The following UBA6 variants were observed in gnomAD, a reference collection of about 807,000 sequenced individuals.
UBA6 encodes the protein ubiquitin-like modifier-activating enzyme 6.
UBA6 carries 87 observed loss-of-function variants against 148.3 expected under a neutral mutation model. The ratio of observed to expected loss-of-function variants is 0.59; its 90% CI spans 0.49 to 0.70. The LOEUF (loss-of-function observed/expected upper bound fraction) is 0.70, where lower values mean the gene tolerates loss of function less well. Among genes scored for constraint, UBA6 ranks in the 30% least tolerant of loss-of-function variants. UBA6 has a pLI of 0.00. For synonymous variants in UBA6, 376 were observed against 401.0 expected, an observed-to-expected ratio of 0.94 and a Z score of 0.75; for missense variants, 1,186 against 1,241.2, an observed-to-expected ratio of 0.96 and a Z score of 0.67.
rs1296297229 is a variant in UBA6, at chr4:67,649,239, A to C, written c.1105-28T>G. The C allele has an allele frequency of 6.3e-6, 10 of 1,590,908 alleles. No homozygotes were observed. In the Admixed American group the frequency reaches 7.1e-5, roughly 11 times the overall value. On this transcript the variant is annotated intron_variant, in intron 13 of 32. Coordinates refer to ENST00000322244, the MANE Select transcript of UBA6 (RefSeq NM_018227.6). ...AAAACAAAAGCCATAAAAGACAATA[A>C]CATTAACAGCATTTACACAGTACAC... is the stretch of plus-strand genomic sequence containing the variant.
At chr4:67,631,387 A>G (rs771144208) in intron 25 of UBA6, among the ~76,000 whole-genome samples, 9 of 152,160 alleles carry the variant, frequency 5.9e-5, no homozygotes, top group Admixed American at 3.9e-4. Context: ...AGATTCTTAT[A>G]TTTGATTTCA....
At chr4:67,628,862 A>G (rs1204084991) in intron 27 of UBA6, among the ~76,000 whole-genome samples, 2 of 151,932 alleles carry the variant, frequency 1.3e-5, no homozygotes, top group Non-Finnish European at 2.9e-5. Context: ...ATCTAAGTCT[A>G]TACTGATCTT....
At chr4:67,667,697 T>C (rs967677751) in intron 9 of UBA6, among the ~76,000 whole-genome samples, 1 of 152,126 alleles carries the variant, frequency 6.6e-6, no homozygotes, top group African/African-American at 2.4e-5. Flanking sequence ...AAACACAAAC[T>C]ACACAGATTA....
intron 13 of UBA6, among the ~76,000 whole-genome samples, chr4:67,660,377 A>T (rs1729818351): frequency 6.6e-6 from 1 of 152,172 alleles, no homozygotes. Flanking sequence ...GGGTGGGCCC[A>T]GGGCCTTGCT....
In UBA6 at chr4:67,631,754, G is replaced by C; in HGVS notation, c.2212C>G (p.Pro738Ala). 1 of 1,611,608 alleles carries C rather than the reference G, an allele frequency of 6.2e-7. No individual in the cohort carries two copies. The highest frequency in any genetic ancestry group is 1.1e-5 in the South Asian group (1 of 90,802). Residue 738 changes from proline to alanine, a missense_variant, in exon 25 of 33, where the codon CCA becomes GCA. Coordinates refer to ENST00000322244, the MANE Select transcript of UBA6 (RefSeq NM_018227.6). ...TTTATTGGAGAGGGTGGCCTCTTTGGTGACTGCCAAAATAAACCTGGCAAA... is the reference window on the plus strand; with the variant it reads ...TTTATTGGAGAGGGTGGCCTCTTTGCTGACTGCCAAAATAAACCTGGCAAA... ...LKDGSLFWQSPKRPPSPIKFD... is the reference protein window; with the variant it reads ...LKDGSLFWQSAKRPPSPIKFD...
rs1728590253 is a variant in UBA6 at position 67,614,506 on chromosome 4, G to A, written c.*4491C>T. On this transcript the variant is annotated 3_prime_UTR_variant, in exon 33 of 33. Transcript: ENST00000322244. ...CATGACTTTGGTGGCACTATAGAAA[G>A]GAGGAATAAAACCCAGATTTTTCAA... 6.6e-6 allele frequency: 1 copy of A among 152,116 alleles called. No homozygotes were observed. The highest frequency in any genetic ancestry group is 2.4e-5 in the African/African-American group (1 of 41,424). The allele number at this position is 152,116 out of a possible 1,614,324, so 9.4% of individuals were successfully genotyped here.
intron 25 of UBA6, among the ~76,000 whole-genome samples, chr4:67,630,783 T>C (rs879365296): frequency 2.8e-4 from 43 of 152,268 alleles, no homozygotes; most frequent in Admixed American, 1.4e-3. Flanking sequence ...TGATCATGAC[T>C]ACCTTGGGAA....
chr4:67,642,864 C>T (rs1430341456), intron 17 of UBA6, among the ~76,000 whole-genome samples: 1 of 151,848 alleles, frequency 6.6e-6, no homozygotes, highest in African/African-American at 2.4e-5. Flanking sequence ...TTCTACTAGA[C>T]CTATGTTGGA....
chr4:67,615,582 A>C lies in UBA6; in HGVS notation c.*3415T>G, dbSNP rs972175763. 6.6e-6 allele frequency: 1 copy of C among 152,214 alleles called. No individual in the cohort carries two copies. The highest frequency in any genetic ancestry group is 1.5e-5 in the Non-Finnish European group (1 of 68,040). 9.4% of individuals were successfully genotyped at this position (152,214 alleles called of 1,614,324 possible). On this transcript the variant is annotated 3_prime_UTR_variant, in exon 33 of 33. Coordinates refer to ENST00000322244, the MANE Select transcript of UBA6 (RefSeq NM_018227.6). ...ACTCTTTGTACTAGGAGTTACATAA[A>C]ATGATGTTCATTGTGAAACTGTAAT...
chr4:67,670,039 C>T (rs1004524911), intron 8 of UBA6, among the ~76,000 whole-genome samples: 6 of 152,140 alleles, frequency 3.9e-5, no homozygotes, highest in African/African-American at 1.4e-4. Context: ...ACTTCCGCCT[C>T]CCGGGTTCAA....
intron 7 of UBA6, among the ~76,000 whole-genome samples, chr4:67,673,416 G>A (rs1410830304): frequency 1.0e-3 from 134 of 133,878 alleles, no homozygotes; most frequent in African/African-American, 3.6e-3. Flanking sequence ...ACTCTGTCTC[G>A]GGAAAAAAAA....
intron 18 of UBA6, among the ~76,000 whole-genome samples, chr4:67,639,725 C>T (rs761016427): frequency 7.9e-5 from 12 of 152,126 alleles, no homozygotes; most frequent in African/African-American, 1.4e-4. Context: ...TTTTCATATA[C>T]ACACATACCT....
chr4:67,678,499 G>A lies in UBA6; in HGVS notation c.293C>T (p.Ala98Val). 1.3e-6 allele frequency: 2 copies of A among 1,596,394 alleles called. No homozygotes were observed. Among genetic ancestry groups the A allele is most frequent in the East Asian group, 2.3e-5 (1 of 44,270 alleles). The change falls in exon 5 of 33, where the codon GCA (alanine) becomes GTA (valine). Residue 98 changes from alanine to valine, a missense_variant. Ala to Val is a moderately conservative substitution (Grantham distance 64). Transcript: ENST00000322244. ...VTIHDTEKCQ[A>V]WDLGTNFFLS... Reference sequence around the variant, plus strand: ...AAAGAAGTTGGTTCCTAGATCCCATGCTTGGCATTTTTCTGTATCATGAAT... The same window carrying A: ...AAAGAAGTTGGTTCCTAGATCCCATACTTGGCATTTTTCTGTATCATGAAT...
At position 67,625,035 on chromosome 4, in the gene UBA6, T is replaced by C. The variant is rs757608742; in HGVS notation, c.2671A>G (p.Ile891Val). The C allele has an allele frequency of 5.0e-6, 8 of 1,611,608 alleles. No homozygotes were observed. The highest frequency in any genetic ancestry group is 6.8e-6 in the Non-Finnish European group (8 of 1,178,328). ...FKTKRIAGKI[I>V]PAIATTTATV... ...GCAGTGGTTGTTGCTATAGCAGGTA[T>C]AATTTTACCAGCTATGCGCTTTGTT... is the stretch of plus-strand genomic sequence containing the variant. The change falls in exon 29 of 33, where the codon ATA becomes GTA. Residue 891 changes from isoleucine to valine, a missense_variant. Physicochemically the swap from Ile to Val is conservative, Grantham distance 29. Transcript: ENST00000322244.
intron 6 of UBA6, among the ~76,000 whole-genome samples, chr4:67,675,800 GA>G (rs1044533265): frequency 4.0e-5 from 6 of 151,792 alleles, no homozygotes; most frequent in African/African-American, 1.5e-4. Flanking sequence ...GAGAAAGAAA[GA>G]AAAATAAATA....
At chr4:67,696,746 A>G (rs1730850025) in intron 1 of UBA6, 39 bp from the exon 2 acceptor site, 1 of 1,510,302 alleles carries the variant, frequency 6.6e-7, no homozygotes, top group Non-Finnish European at 9.2e-7. Flanking sequence ...TTCACATTTT[A>G]TAATGTAATA....
chr4:67,629,273 T>C lies in UBA6; in HGVS notation c.2329-131A>G, dbSNP rs1385330454. 14 of 617,716 alleles carry C rather than the reference T, an allele frequency of 2.3e-5. No individual in the cohort carries two copies. The East Asian group carries it at 3.9e-4, about 17-fold the overall frequency. The allele number at this position is 617,716 out of a possible 1,614,324, so 38.3% of individuals were successfully genotyped here. ...CATTATCTGAATATGTAGACATCCA[T>C]TTGAGACATTTATCTTTATTTCTAT... On this transcript the variant is annotated intron_variant, in intron 26 of 32. Coordinates refer to ENST00000322244, the MANE Select transcript of UBA6 (RefSeq NM_018227.6).
chr4:67,630,671 T>A (rs564448538), intron 25 of UBA6, 136 bp from the exon 26 acceptor site: 7 of 567,070 alleles, frequency 1.2e-5, no homozygotes, highest in South Asian at 3.0e-5. Context: ...TTTTTTTTTT[T>A]AAGTTAGACA....
chr4:67,623,348 G>T (rs1029869595), intron 30 of UBA6, 126 bp from the exon 31 acceptor site: 6 of 634,272 alleles, frequency 9.5e-6, no homozygotes, highest in Non-Finnish European at 1.7e-5. Flanking sequence ...TTAATGTGGG[G>T]AAATAAAGGA....
Sources: allele counts gnomAD v4.1 joint callset (sites outside exome capture counted in the v4.1 genomes callset), GRCh38; gene constraint gnomAD v4.1.1; transcripts MANE v1.5; gene names NCBI Gene and HGNC (gene_info 2026-07-23, HGNC 2026-07-21).